Variants in CSMD1 observed in about 807,000 individuals in gnomAD.
CSMD1 encodes the protein CUB and sushi domain-containing protein 1.
A neutral mutation model predicts 417.5 loss-of-function variants in CSMD1; 213 were observed. That is an observed-to-expected ratio of 0.51 (90% confidence interval 0.46 to 0.57). CSMD1 has a LOEUF of 0.57. CSMD1 is among the 20% of genes least tolerant of loss of function. CSMD1 has a pLI of 0.00. For missense variants in CSMD1, 6,923 were observed against 4,529.7 expected, an observed-to-expected ratio of 1.53 and a Z score of -15.17; for synonymous variants, 2,862 against 1,736.8, an observed-to-expected ratio of 1.65 and a Z score of -16.11.
rs543568583 is a variant in CSMD1, at chr8:4,010,820, C to G, written c.611-12710G>C. On this transcript the variant is annotated intron_variant, in intron 4 of 69. Transcript: ENST00000635120. ...TCATCACAGTAAAACACCTTTGGTT[C>G]CAGTCTAGGCCAAGTCCACTTTTAT... Among the ~76,000 whole-genome samples, 4 of 152,278 alleles carry G rather than the reference C, an allele frequency of 2.6e-5. No homozygotes were observed. The South Asian group carries it at 6.2e-4, about 24-fold the overall frequency.
At chr8:3,764,264 G>A (rs979396193) in intron 5 of CSMD1, among the ~76,000 whole-genome samples, 1 of 152,158 alleles carries the variant, frequency 6.6e-6, no homozygotes, top group Non-Finnish European at 1.5e-5. Context: ...GCTACACACT[G>A]CCTGTGTTCC....
At chr8:4,964,640 A>G (rs975194327) in intron 1 of CSMD1, among the ~76,000 whole-genome samples, 32 of 151,868 alleles carry the variant, frequency 2.1e-4, no homozygotes, top group African/African-American at 7.5e-4. Flanking sequence ...CCAAAAATAC[A>G]TTTTTCTAAC....
At chr8:3,666,362 A>C (rs946350528) in intron 7 of CSMD1, among the ~76,000 whole-genome samples, 2 of 152,236 alleles carry the variant, frequency 1.3e-5, no homozygotes, top group Non-Finnish European at 2.9e-5. Flanking sequence ...GTTTAAAATG[A>C]CATATTCAGT....
chr8:3,365,979 A>G (rs1302960464), intron 20 of CSMD1, among the ~76,000 whole-genome samples: 2 of 152,214 alleles, frequency 1.3e-5, no homozygotes, highest in Non-Finnish European at 2.9e-5. Context: ...GGGAGATAAG[A>G]TAAATACTCA....
chr8:3,734,197 T>C (rs1348908740), intron 6 of CSMD1, among the ~76,000 whole-genome samples: 1 of 152,216 alleles, frequency 6.6e-6, no homozygotes. Context: ...ATGCATGGAA[T>C]TGGAAGCCTG....
intron 12 of CSMD1, among the ~76,000 whole-genome samples, chr8:3,453,000 T>C (rs1815850385): frequency 1.3e-5 from 2 of 152,198 alleles, no homozygotes; most frequent in South Asian, 2.1e-4. Context: ...TCAGAGCCTG[T>C]TATTGGTCTA....
intron 1 of CSMD1, among the ~76,000 whole-genome samples, chr8:4,982,075 G>T (rs190884823): frequency 7.6e-4 from 115 of 152,208 alleles, no homozygotes; most frequent in African/African-American, 2.7e-3. Context: ...TCTTAGAAGT[G>T]GATTCTACCC....
intron 1 of CSMD1, among the ~76,000 whole-genome samples, chr8:4,905,928 C>G (rs956503955): frequency 2.0e-5 from 3 of 152,072 alleles, no homozygotes; most frequent in African/African-American, 7.2e-5. Flanking sequence ...TTTCCTTTCA[C>G]CAGTCCCAGT....
At chr8:3,524,221 G>GCA in intron 10 of CSMD1, among the ~76,000 whole-genome samples, 1 of 144,438 alleles carries the variant, frequency 6.9e-6, no homozygotes, top group South Asian at 2.3e-4. Context: ...CAGACAATAT[G>GCA]CACACACATA....
At chr8:4,273,132 G>A (rs538420277) in intron 3 of CSMD1, among the ~76,000 whole-genome samples, 2 of 152,176 alleles carry the variant, frequency 1.3e-5, no homozygotes, top group East Asian at 1.9e-4. Flanking sequence ...ATGATAGAGG[G>A]AAAATTACCA....
intron 12 of CSMD1, among the ~76,000 whole-genome samples, chr8:3,425,448 C>T (rs955766655): frequency 1.3e-5 from 2 of 151,828 alleles, no homozygotes; most frequent in East Asian, 1.9e-4. Flanking sequence ...ATTAGCTGGG[C>T]GTGGTGGCAC....
chr8:3,353,343 C>A (rs1808538301), intron 21 of CSMD1, among the ~76,000 whole-genome samples: 1 of 152,196 alleles, frequency 6.6e-6, no homozygotes, highest in Admixed American at 6.5e-5. Flanking sequence ...GCGGAAGCTT[C>A]TTATCTCCAT....
intron 1 of CSMD1, among the ~76,000 whole-genome samples, chr8:4,959,409 C>G (rs376068481): frequency 6.6e-6 from 1 of 152,230 alleles, no homozygotes; most frequent in Non-Finnish European, 1.5e-5. Context: ...CTCAGTTGCA[C>G]TGGACACAAG....
rs759857155 is a variant in CSMD1, at chr8:3,107,711, G to A, written c.6835+7C>T. 2.7e-5 allele frequency: 41 copies of A among 1,522,372 alleles called. No individual in the cohort carries two copies. The East Asian group carries it at 9.4e-4, about 35-fold the overall frequency. The allele number at this position is 1,522,372 out of a possible 1,614,324, so 94.3% of individuals were successfully genotyped here. On this transcript the variant is annotated splice_region_variant and intron_variant, in intron 45 of 69. Transcript: ENST00000635120. ...AATTCATGGTATTGTAATGAAGAAA[G>A]TATTACCTATTTCGAAATCATCATC...
chr8:3,516,436 C>T (rs1490643616), intron 10 of CSMD1, among the ~76,000 whole-genome samples: 1 of 152,076 alleles, frequency 6.6e-6, no homozygotes, highest in Non-Finnish European at 1.5e-5. Flanking sequence ...ATCGTCTAGC[C>T]AGGCCTGGTT....
At chr8:4,655,238 G>C (rs749687241) in intron 1 of CSMD1, among the ~76,000 whole-genome samples, 2 of 151,792 alleles carry the variant, frequency 1.3e-5, no homozygotes, top group African/African-American at 2.4e-5. Context: ...TCTTACCTTG[G>C]TTGCTAAAAT....
At chr8:3,641,427 A>C (rs929320905) in intron 7 of CSMD1, among the ~76,000 whole-genome samples, 1 of 152,202 alleles carries the variant, frequency 6.6e-6, no homozygotes, top group South Asian at 2.1e-4. Context: ...GGTTCTTCTT[A>C]TAACCCACAT....
intron 4 of CSMD1, among the ~76,000 whole-genome samples, chr8:4,009,066 T>C (rs75381960): frequency 5.3e-5 from 8 of 152,342 alleles, no homozygotes; most frequent in Admixed American, 2.6e-4. Context: ...TGAGTTATCA[T>C]AAAATTCTGC....
chr8:3,246,123 T>C (rs992725063), intron 26 of CSMD1, among the ~76,000 whole-genome samples: 8 of 152,104 alleles, frequency 5.3e-5, no homozygotes, highest in Non-Finnish European at 8.8e-5. Context: ...CATCGGTTCA[T>C]GTCACTTCTT....
Sources: allele counts gnomAD v4.1 joint callset (sites outside exome capture counted in the v4.1 genomes callset), GRCh38; gene constraint gnomAD v4.1.1; transcripts MANE v1.5; gene names NCBI Gene and HGNC (gene_info 2026-07-23, HGNC 2026-07-21).